Variants in KCNB2 observed in about 807,000 individuals in gnomAD.
KCNB2 encodes the protein potassium voltage-gated channel subfamily B member 2.
KCNB2 carries 15 observed loss-of-function variants against 61.5 expected under a neutral mutation model. That is an observed-to-expected ratio of 0.24 (90% confidence interval 0.16 to 0.38). The LOEUF is 0.38. KCNB2 is among the 10% of genes least tolerant of loss of function. The probability of loss-of-function intolerance (pLI) is 1.00; values close to 1 mark genes in which losing one functional copy is unlikely to be tolerated. For missense variants in KCNB2, 828 were observed against 1,125.2 expected (o/e 0.74, Z 3.78); for synonymous variants, 457 against 446.0 (o/e 1.02, Z -0.31).
intron 2 of KCNB2, among the ~76,000 whole-genome samples, chr8:72,734,286 T>G (rs1807800949): frequency 6.6e-6 from 1 of 152,132 alleles, no homozygotes; most frequent in Non-Finnish European, 1.5e-5. Context: ...CATCAGTACA[T>G]CCCAGCAGCC....
intron 2 of KCNB2, among the ~76,000 whole-genome samples, chr8:72,718,954 T>TTTGG (rs1413772407): frequency 2.0e-5 from 3 of 152,128 alleles, no homozygotes; most frequent in African/African-American, 7.2e-5. Context: ...TCCCCCACCT[T>TTTGG]TTGGTAGATC....
intron 2 of KCNB2, among the ~76,000 whole-genome samples, chr8:72,662,258 T>C (rs1286720571): frequency 6.6e-6 from 1 of 152,102 alleles, no homozygotes; most frequent in Non-Finnish European, 1.5e-5. Context: ...CTGTAGCTTC[T>C]CCATGGCCCT....
intron 2 of KCNB2, among the ~76,000 whole-genome samples, chr8:72,717,644 C>G (rs1372262461): frequency 6.6e-6 from 1 of 151,982 alleles, no homozygotes; most frequent in East Asian, 1.9e-4. Flanking sequence ...CTTCCTTACA[C>G]CTTATACAAA....
intron 2 of KCNB2, among the ~76,000 whole-genome samples, chr8:72,900,339 A>G (rs544992843): frequency 9.2e-5 from 14 of 152,202 alleles, no homozygotes; most frequent in Non-Finnish European, 1.9e-4. Context: ...ATTTATATAA[A>G]TTAGCTCAAT....
intron 2 of KCNB2, among the ~76,000 whole-genome samples, chr8:72,830,469 C>G (rs926175357): frequency 3.9e-5 from 6 of 152,144 alleles, no homozygotes; most frequent in Non-Finnish European, 5.9e-5. Flanking sequence ...CTAAATAGAA[C>G]AAGTCAACCC....
At chr8:72,566,925 G>C (rs78789955) in intron 1 of KCNB2, among the ~76,000 whole-genome samples, 1 of 152,018 alleles carries the variant, frequency 6.6e-6, no homozygotes, top group East Asian at 1.9e-4. Context: ...CCGGGTATGG[G>C]GTGGGGAAGG....
intron 2 of KCNB2, among the ~76,000 whole-genome samples, chr8:72,726,109 A>G (rs539342723): frequency 3.3e-5 from 5 of 152,256 alleles, no homozygotes; most frequent in Admixed American, 2.6e-4. Flanking sequence ...TGGAGATGGG[A>G]CTTTTAAGAG....
intron 2 of KCNB2, among the ~76,000 whole-genome samples, chr8:72,742,782 G>A (rs1807984629): frequency 6.6e-6 from 1 of 152,200 alleles, no homozygotes; most frequent in African/African-American, 2.4e-5. Context: ...GGCAGAGTGG[G>A]CCAGAGCCAA....
At chr8:72,647,920 C>T (rs2264036) in intron 2 of KCNB2, among the ~76,000 whole-genome samples, 130,421 of 152,134 alleles carry the variant, frequency 0.86, 56,120 homozygotes, top group Admixed American at 0.9. Context: ...GATAGATACA[C>T]GTAGATCTCA....
intron 2 of KCNB2, among the ~76,000 whole-genome samples, chr8:72,579,884 A>T (rs1325263705): frequency 6.6e-6 from 1 of 152,232 alleles, no homozygotes; most frequent in African/African-American, 2.4e-5. Context: ...CCTGGGGGAA[A>T]AAAAGGAACT....
chr8:72,849,672 A>G (rs2129003213), intron 2 of KCNB2, among the ~76,000 whole-genome samples: 1 of 152,322 alleles, frequency 6.6e-6, no homozygotes, highest in Non-Finnish European at 1.5e-5. Flanking sequence ...GAGAAAGTTA[A>G]GTGTCTTTAT....
intron 2 of KCNB2, among the ~76,000 whole-genome samples, chr8:72,847,046 G>T (rs180971657): frequency 2.6e-5 from 4 of 152,278 alleles, no homozygotes; most frequent in Non-Finnish European, 2.9e-5. Context: ...AGAAAATGTG[G>T]CACACATACA....
intron 2 of KCNB2, among the ~76,000 whole-genome samples, chr8:72,928,540 T>C (rs1393837365): frequency 1.3e-5 from 2 of 152,096 alleles, no homozygotes; most frequent in Non-Finnish European, 2.9e-5. Flanking sequence ...TGTATGTATG[T>C]GTATGTGGTA....
intron 2 of KCNB2, among the ~76,000 whole-genome samples, chr8:72,678,200 A>G (rs1003978838): frequency 2.6e-5 from 4 of 152,176 alleles, no homozygotes; most frequent in Admixed American, 2.6e-4. Flanking sequence ...CTGCCTGTCT[A>G]TGCCACCATT....
At chr8:72,794,801 A>G (rs927696009) in intron 2 of KCNB2, among the ~76,000 whole-genome samples, 1 of 152,224 alleles carries the variant, frequency 6.6e-6, no homozygotes, top group African/African-American at 2.4e-5. Flanking sequence ...CCCATTATGT[A>G]GAAACTATTC....
intron 2 of KCNB2, among the ~76,000 whole-genome samples, chr8:72,918,728 G>A (rs776004785): frequency 3.5e-4 from 54 of 152,152 alleles, no homozygotes; most frequent in African/African-American, 1.3e-3. Flanking sequence ...CTCTCCTGGT[G>A]CACAAAGCTT....
chr8:72,693,084 C>CAA, intron 2 of KCNB2, among the ~76,000 whole-genome samples: 1 of 152,290 alleles, frequency 6.6e-6, no homozygotes, highest in African/African-American at 2.4e-5. Context: ...CAGCTGTCTT[C>CAA]TGGCCACCAG....
chr8:72,564,804 G>T (rs1806599692), intron 1 of KCNB2, among the ~76,000 whole-genome samples: 1 of 152,060 alleles, frequency 6.6e-6, no homozygotes. Context: ...GGGAAAGACA[G>T]AACATATATG....
intron 2 of KCNB2, among the ~76,000 whole-genome samples, chr8:72,803,002 C>T (rs1303131123): frequency 1.3e-5 from 2 of 152,090 alleles, no homozygotes; most frequent in Non-Finnish European, 2.9e-5. Flanking sequence ...AATGTACCAC[C>T]CAAATCTTTG....
Sources: gnomAD v4.1 joint callset for allele counts (sites outside exome capture counted in the v4.1 genomes callset) on GRCh38, gnomAD v4.1.1 for gene constraint, MANE v1.5 for transcripts, NCBI Gene and HGNC (gene_info 2026-07-23, HGNC 2026-07-21) for gene names.